GK5: variants seen among roughly 807,000 people sequenced by gnomAD.
GK5 encodes ATP:glycerol 3-phosphotransferase 5.
A neutral mutation model predicts 77.3 loss-of-function variants in GK5; 39 were observed. That is an observed-to-expected ratio of 0.50 (90% CI 0.39 to 0.66). The LOEUF (loss-of-function observed/expected upper bound fraction) is 0.66, where lower values mean the gene tolerates loss of function less well. GK5 is among the 30% of genes least tolerant of loss of function. The probability of loss-of-function intolerance (pLI) is 0.00; values close to 1 mark genes in which losing one functional copy is unlikely to be tolerated. For missense variants in GK5, 487 were observed against 633.8 expected (o/e 0.77, Z 2.49); for synonymous variants, 211 against 208.0 (o/e 1.01, Z -0.13).
intron 5 of GK5, among the ~76,000 whole-genome samples, chr3:142,192,322 C>T (rs893589068): frequency 1.3e-5 from 2 of 152,184 alleles, no homozygotes; most frequent in African/African-American, 4.8e-5. Flanking sequence ...AAACTAAATG[C>T]AGTCTTACCA....
chr3:142,215,800 C>A, intron 1 of GK5, 108 bp from the exon 2 acceptor site: 1 of 582,884 alleles, frequency 1.7e-6, no homozygotes, highest in Non-Finnish European at 3.1e-6. Flanking sequence ...ATTTTATTAT[C>A]TAATTAATTT....
At chr3:142,208,093 T>C (rs2064137038) in intron 3 of GK5, among the ~76,000 whole-genome samples, 1 of 152,220 alleles carries the variant, frequency 6.6e-6, no homozygotes. Context: ...CCTAACTGCA[T>C]ATTAGATATC....
intron 11 of GK5, among the ~76,000 whole-genome samples, chr3:142,179,932 TCTGTACA>T (rs2063670380): frequency 6.6e-6 from 1 of 152,202 alleles, no homozygotes; most frequent in African/African-American, 2.4e-5. Context: ...AGGACTCAGA[TCTGTACA>T]CTGAGTGCAG....
intron 5 of GK5, 53 bp downstream of exon 5, chr3:142,198,749 A>T: frequency 2.0e-6 from 3 of 1,483,606 alleles, no homozygotes; most frequent in Middle Eastern, 1.8e-4. Context: ...CATAGTCTTT[A>T]TATGGTTTCC....
intron 11 of GK5, among the ~76,000 whole-genome samples, chr3:142,179,776 T>C (rs1197564253): frequency 2.0e-5 from 3 of 152,208 alleles, no homozygotes; most frequent in African/African-American, 7.2e-5. Flanking sequence ...AAAAAGTCTT[T>C]CAGAGTAAGC....
Position 142,164,018 on chromosome 3 carries a change from T to A in GK5, c.*1604A>T, listed in dbSNP as rs2063447395. On this transcript the variant is annotated 3_prime_UTR_variant, in exon 16 of 16. Coordinates refer to ENST00000392993, the MANE Select transcript of GK5 (RefSeq NM_001039547.3). ...TTTATCTACATAATGAAGTTTGACT[T>A]TTTACAGTAAATAAAATACCTATTT... 6.6e-6 allele frequency: 1 copy of A among 152,086 alleles called. No individual in the cohort carries two copies. The highest frequency in any genetic ancestry group is 6.6e-5 in the Admixed American group (1 of 15,256). The allele number at this position is 152,086 out of a possible 1,614,324, so 9.4% of individuals were successfully genotyped here.
chr3:142,200,114 CACACACAAACACAT>C (rs2063996797), intron 4 of GK5, among the ~76,000 whole-genome samples: 3 of 152,062 alleles, frequency 2.0e-5, no homozygotes, highest in South Asian at 4.2e-4. Flanking sequence ...CACACACACA[CACACACAAACACAT>C]ACACACACAC....
chr3:142,204,374 A>G (rs1453583330), intron 4 of GK5: 8 of 365,320 alleles, frequency 2.2e-5, no homozygotes, highest in Non-Finnish European at 2.6e-5. Flanking sequence ...ATCCATCCTG[A>G]GCTTTTATAA....
chr3:142,182,451 TCTC>T (rs1425934396), intron 10 of GK5, among the ~76,000 whole-genome samples: 1 of 152,106 alleles, frequency 6.6e-6, no homozygotes, highest in Non-Finnish European at 1.5e-5. Context: ...TTCAAGTGAT[TCTC>T]CTGCTTCAGC....
At chr3:142,173,161 A>G (rs1176563029) in intron 12 of GK5, 1 of 437,180 alleles carries the variant, frequency 2.3e-6, no homozygotes. Context: ...TGATCGCGTT[A>G]CTGCACTCCA....
chr3:142,187,651 T>C lies in GK5; in HGVS notation c.619+53A>G, dbSNP rs182197234. The C allele has an allele frequency of 3.8e-6, 5 of 1,329,320 alleles. No individual in the cohort carries two copies. The East Asian group carries it at 1.1e-4, about 31-fold the overall frequency. 82.3% of individuals were successfully genotyped at this position (1,329,320 alleles called of 1,614,324 possible). A position where few individuals can be genotyped will look rare whatever the true frequency, so the allele number is the denominator to read the frequency against. The stretch of plus-strand genomic sequence containing the variant: ...CTTCTACTTTTTTTAGGCAAATCAT[T>C]TCTCTTGATCAAATTTCGGTTATTT... On this transcript the variant is annotated intron_variant, in intron 6 of 15. Transcript: ENST00000392993.
intron 5 of GK5, among the ~76,000 whole-genome samples, chr3:142,190,557 G>T (rs2063833913): frequency 6.6e-6 from 1 of 152,124 alleles, no homozygotes; most frequent in Non-Finnish European, 1.5e-5. Flanking sequence ...AATTCAAAAA[G>T]CCCTACAAAC....
rs2063446446 is a variant in GK5, at chr3:142,163,907, C to T, written c.*1715G>A. 2 of 151,926 alleles carry T rather than the reference C, an allele frequency of 1.3e-5. No homozygotes were observed. The highest frequency in any genetic ancestry group is 4.8e-5 in the African/African-American group (2 of 41,384). 9.4% of individuals were successfully genotyped at this position (151,926 alleles called of 1,614,324 possible). On this transcript the variant is annotated 3_prime_UTR_variant, in exon 16 of 16. Coordinates refer to ENST00000392993, the MANE Select transcript of GK5 (RefSeq NM_001039547.3). ...TAACAGTAAAACAACAGAGCAGCTT[C>T]CATGTGATTTTGATAGGAAAGCTTT...
intron 3 of GK5, among the ~76,000 whole-genome samples, chr3:142,209,795 C>T (rs568759542): frequency 8.4e-4 from 128 of 152,288 alleles, no homozygotes; most frequent in African/African-American, 2.2e-3. Context: ...GCCCCCAGCA[C>T]GGTGCATTAC....
chr3:142,200,168 CAG>C lies in GK5; in HGVS notation c.412-1237_412-1236del, dbSNP rs1302379905. Among the ~76,000 whole-genome samples the C allele has an allele frequency of 2.0e-5, 3 of 151,798 alleles. No homozygotes were observed. The South Asian group carries it at 6.3e-4, about 32-fold the overall frequency. On this transcript the variant is annotated intron_variant, in intron 4 of 15. Transcript: ENST00000392993. ...ATATGGTTTTTGGTTTTTTTTGAGA[CAG>C]AGTCTCACTCTGTTCCCCAGGCTTA... is the stretch of plus-strand genomic sequence containing the variant.
chr3:142,182,290 A>T (rs1036890463), intron 10 of GK5, among the ~76,000 whole-genome samples: 7 of 152,166 alleles, frequency 4.6e-5, no homozygotes, highest in African/African-American at 1.7e-4. Flanking sequence ...CCACTCAAAG[A>T]AATTCACAAA....
At chr3:142,180,068 C>T (rs1242553472) in intron 11 of GK5, among the ~76,000 whole-genome samples, 1 of 152,072 alleles carries the variant, frequency 6.6e-6, no homozygotes, top group African/African-American at 2.4e-5. Flanking sequence ...TTTCATTCTC[C>T]CAGGCAATCC....
rs769175044 is a variant in GK5 at position 142,163,823 on chromosome 3, C to G, written c.*1799G>C. The G allele has an allele frequency of 4.0e-5, 6 of 151,736 alleles. No homozygotes were observed. The highest frequency in any genetic ancestry group is 1.5e-4 in the African/African-American group (6 of 41,288). 9.4% of individuals were successfully genotyped at this position (151,736 alleles called of 1,614,324 possible). On this transcript the variant is annotated 3_prime_UTR_variant, in exon 16 of 16. Coordinates refer to ENST00000392993, the MANE Select transcript of GK5 (RefSeq NM_001039547.3). ...CTACCCTGGGCAACACAGCAAGACC[C>G]TGTCTCTACAAAAAAAGAAAAAGAA...
chr3:142,173,337 G>A, intron 12 of GK5: 1 of 272,968 alleles, frequency 3.7e-6, no homozygotes, highest in South Asian at 3.7e-5. Flanking sequence ...AATCAGATGA[G>A]GTTTCTATTC....
Sources: gnomAD v4.1 joint callset for allele counts (sites outside exome capture counted in the v4.1 genomes callset) on GRCh38, gnomAD v4.1.1 for gene constraint, MANE v1.5 for transcripts, NCBI Gene and HGNC (gene_info 2026-07-23, HGNC 2026-07-21) for gene names.